The following BTN2A2 variants were observed in gnomAD, a reference collection of about 807,000 sequenced individuals.
BTN2A2 encodes the protein butyrophilin subfamily 2 member A2, also known as butyrophilin 2.
BTN2A2 carries 29 observed loss-of-function variants against 34.7 expected under a neutral mutation model. The ratio of observed to expected loss-of-function variants is 0.84; its 90% confidence interval spans 0.62 to 1.14. BTN2A2 has a LOEUF of 1.14. BTN2A2 is among the 50% of genes most tolerant of loss of function. The pLI is 0.00. For missense variants in BTN2A2, 612 were observed against 651.5 expected (o/e 0.94, Z 0.66); for synonymous variants, 240 against 253.1 (o/e 0.95, Z 0.49).
intron 3 of BTN2A2, 32 bp downstream of exon 3, chr6:26,385,394 G>A: frequency 6.3e-7 from 1 of 1,584,738 alleles, no homozygotes; most frequent in South Asian, 1.1e-5. Context: ...TATTACTTTT[G>A]CACAGTGTGA....
chr6:26,390,408 GCTTT>G lies in BTN2A2; in HGVS notation c.931+205_931+208del, dbSNP rs1423498284. ...ATGTCATAAGAAGTAATCATTCAGAGCTTTCTTTCTTCCATGCTGCACACATTAC... is the reference window on the plus strand; with the variant it reads ...ATGTCATAAGAAGTAATCATTCAGAGCTTTCTTCCATGCTGCACACATTAC... On this transcript the variant is annotated intron_variant, in intron 5 of 7. Coordinates refer to ENST00000356709, the MANE Select transcript of BTN2A2 (RefSeq NM_006995.5). 4.3e-6 allele frequency: 3 copies of G among 692,496 alleles called. No individual in the cohort carries two copies. The African/African-American group carries it at 5.4e-5, about 12-fold the overall frequency. The allele number at this position is 692,496 out of a possible 1,614,324, so 42.9% of individuals were successfully genotyped here.
rs1194264211 is a variant in BTN2A2 at position 26,388,132 on chromosome 6, G to T, written c.562G>T (p.Glu188Ter). The T allele has an allele frequency of 6.2e-7, 1 of 1,614,174 alleles. No individual in the cohort carries two copies. Among genetic ancestry groups the T allele is most frequent in the Non-Finnish European group, 8.5e-7 (1 of 1,180,032 alleles). ...CACAGTGTGGAGGGACCCCTACGGT[G>T]AGGTTGTGCCCGCCCTGAAGGAGGT... ...PLTVWRDPYG[E>*]VVPALKEVSI... Residue 188 changes from glutamate (E) to a stop codon, truncating the protein, a stop_gained, in exon 4 of 8, where the codon GAG becomes TAG. Coordinates refer to ENST00000356709, the MANE Select transcript of BTN2A2 (RefSeq NM_006995.5). LOFTEE classifies it high-confidence loss of function.
chr6:26,392,097 T>G, intron 7 of BTN2A2: 1 of 861,744 alleles, frequency 1.2e-6, no homozygotes, highest in Admixed American at 2.6e-5. Context: ...TGAGAAAAAC[T>G]GGGAACCATT....
rs1455291441 is a variant in BTN2A2, at chr6:26,393,523, A to G, written c.*556A>G. Reference sequence around the variant, plus strand: ...AAAGGGTCCTGGGAGATGATGGCTCATTTCCACCCAACCCCAGGATTTCCA... The same window carrying G: ...AAAGGGTCCTGGGAGATGATGGCTCGTTTCCACCCAACCCCAGGATTTCCA... On this transcript the variant is annotated 3_prime_UTR_variant, in exon 8 of 8. Coordinates refer to ENST00000356709, the MANE Select transcript of BTN2A2 (RefSeq NM_006995.5). 7 of 1,015,010 alleles carry G rather than the reference A, an allele frequency of 6.9e-6. No homozygotes were observed. The African/African-American group carries it at 1.0e-4, about 15-fold the overall frequency. The allele number at this position is 1,015,010 out of a possible 1,614,324, so 62.9% of individuals were successfully genotyped here. A position where few individuals can be genotyped will look rare whatever the true frequency, so the allele number is the denominator to read the frequency against.
intron 5 of BTN2A2, 156 bp from the exon 6 acceptor site, chr6:26,390,531 A>G: frequency 3.2e-6 from 3 of 939,714 alleles, no homozygotes; most frequent in Admixed American, 2.0e-5. Context: ...CCATCTGATC[A>G]TACATCATTG....
In BTN2A2 at chr6:26,384,132, A is replaced by C. The variant is rs1302775903; in HGVS notation, c.94+217A>C. On this transcript the variant is annotated intron_variant, in intron 2 of 7. Transcript: ENST00000356709. This position sits in a 1 kb window ranked among gnomAD's most constrained non-coding sequence, Gnocchi z 4.0. Reference sequence around the variant, plus strand: ...GCAAATCTTCAAAAAGATTTTTTTAACTTTTTATTTATTTGTTTATTTATT... The same window carrying C: ...GCAAATCTTCAAAAAGATTTTTTTACCTTTTTATTTATTTGTTTATTTATT... Among the ~76,000 whole-genome samples, 2 of 152,220 alleles carry C rather than the reference A, an allele frequency of 1.3e-5. No individual in the cohort carries two copies. The highest frequency in any genetic ancestry group is 4.8e-5 in the African/African-American group (2 of 41,454).
Position 26,392,883 on chromosome 6 carries a change from C to T in BTN2A2, c.1488C>T (p.Cys496=). The T allele has an allele frequency of 1.1e-5, 17 of 1,614,210 alleles. No individual in the cohort carries two copies. The highest frequency in any genetic ancestry group is 1.4e-5 in the Non-Finnish European group (16 of 1,180,042). The part of the protein sequence containing the change: ...LGSDDSPIFI[C]PALTGASGVM... ...CTGATGACAGCCCCATCTTCATCTGCCCTGCACTCACAGGAGCCAGTGGGG... is the reference window on the plus strand; with the variant it reads ...CTGATGACAGCCCCATCTTCATCTGTCCTGCACTCACAGGAGCCAGTGGGG... Residue 496 remains cysteine (C), a synonymous_variant, in exon 8 of 8, where the codon TGC becomes TGT. Coordinates refer to ENST00000356709, the MANE Select transcript of BTN2A2 (RefSeq NM_006995.5).
Position 26,394,323 on chromosome 6 carries a change from T to C in BTN2A2, c.*1356T>C. The C allele has an allele frequency of 2.9e-6, 2 of 700,710 alleles. No individual in the cohort carries two copies. Among genetic ancestry groups the C allele is most frequent in the South Asian group, 3.0e-5 (2 of 67,464 alleles). 43.4% of individuals were successfully genotyped at this position (700,710 alleles called of 1,614,324 possible). A position where few individuals can be genotyped will look rare whatever the true frequency, so the allele number is the denominator to read the frequency against. ...ATGTCAACCTGACTGGATTAAGGAATACCTAGACAGCTGGTACAACATTAT... is the reference window on the plus strand; with the variant it reads ...ATGTCAACCTGACTGGATTAAGGAACACCTAGACAGCTGGTACAACATTAT... On this transcript the variant is annotated 3_prime_UTR_variant, in exon 8 of 8. Coordinates refer to ENST00000356709, the MANE Select transcript of BTN2A2 (RefSeq NM_006995.5).
chr6:26,383,907 T>C lies in BTN2A2; in HGVS notation c.86T>C (p.Leu29Pro). Residue 29 changes from leucine to proline, a missense_variant, in exon 2 of 8, where the codon CTG (leucine) becomes CCG (proline). Transcript: ENST00000356709. The surrounding 1 kb of genome is among the most constrained non-coding windows in gnomAD (Gnocchi z 4.4). ...CTCCTCCTTCTCAGCCTGTGTGCAC[T>C]GGTCTCAGGTAGGGATGTGTGTCAC... Reference protein sequence around the residue: ...LLLLLLSLCALVSAQFTVVGP... With the variant: ...LLLLLLSLCAPVSAQFTVVGP... The C allele has an allele frequency of 6.2e-7, 1 of 1,613,660 alleles. No homozygotes were observed. The highest frequency in any genetic ancestry group is 8.5e-7 in the Non-Finnish European group (1 of 1,179,606).
Position 26,392,905 on chromosome 6 carries a change from G to A in BTN2A2, c.1510G>A (p.Gly504Arg). 6.2e-7 allele frequency: 1 copy of A among 1,614,198 alleles called. No individual in the cohort carries two copies. The highest frequency in any genetic ancestry group is 8.5e-7 in the Non-Finnish European group (1 of 1,180,026). ...CTGCCCTGCACTCACAGGAGCCAGTGGGGTCATGGTGCCTGAAGAGGGCCT... is the reference window on the plus strand; with the variant it reads ...CTGCCCTGCACTCACAGGAGCCAGTAGGGTCATGGTGCCTGAAGAGGGCCT... ...FICPALTGASGVMVPEEGLKL... is the reference protein window; with the variant it reads ...FICPALTGASRVMVPEEGLKL... The change falls in exon 8 of 8, where the codon GGG (glycine) becomes AGG (arginine). Residue 504 changes from glycine (G) to arginine (R), a missense_variant. Transcript: ENST00000356709.
chr6:26,391,009 G>A (rs1350046725), intron 7 of BTN2A2, 180 bp downstream of exon 7: 1 of 886,182 alleles, frequency 1.1e-6, no homozygotes, highest in Non-Finnish European at 1.8e-6. Context: ...GGGAACCCCA[G>A]CAGCTCTTAA....
At chr6:26,387,933 T>C (rs1761306659) in intron 3 of BTN2A2, 80 bp from the exon 4 acceptor site, 15 of 1,456,636 alleles carry the variant, frequency 1.0e-5, no homozygotes. Context: ...ACCAAGGGTC[T>C]TTCTAGCAAC....
At chr6:26,391,045 G>A in intron 7 of BTN2A2, 1 of 649,416 alleles carries the variant, frequency 1.5e-6, no homozygotes, top group Non-Finnish European at 2.7e-6. Flanking sequence ...ACATCCCCAG[G>A]ACCCTTTCTC....
In BTN2A2 at chr6:26,393,500, A is replaced by C. The variant is rs1761728699; in HGVS notation, c.*533A>C. 1 of 1,037,956 alleles carries C rather than the reference A, an allele frequency of 9.6e-7. No homozygotes were observed. The highest frequency in any genetic ancestry group is 1.7e-5 in the African/African-American group (1 of 58,568). 64.3% of individuals were successfully genotyped at this position (1,037,956 alleles called of 1,614,324 possible). On this transcript the variant is annotated 3_prime_UTR_variant, in exon 8 of 8. Transcript: ENST00000356709. Reference sequence around the variant, plus strand: ...GGCTAAGTCCCACCATAAGAGCTAAAGGGTCCTGGGAGATGATGGCTCATT... The same window carrying C: ...GGCTAAGTCCCACCATAAGAGCTAACGGGTCCTGGGAGATGATGGCTCATT...
chr6:26,391,277 G>T (rs1429692164), intron 7 of BTN2A2: 3 of 196,554 alleles, frequency 1.5e-5, no homozygotes, highest in Non-Finnish European at 3.2e-5. Flanking sequence ...ATGCAATGGT[G>T]TACAAATAGG....
Position 26,390,014 on chromosome 6 carries a change from T to G in BTN2A2, c.734T>G (p.Met245Arg). 6.2e-7 allele frequency: 1 copy of G among 1,613,332 alleles called. No homozygotes were observed. Among genetic ancestry groups the G allele is most frequent in the Non-Finnish European group, 8.5e-7 (1 of 1,179,746 alleles). The change falls in exon 5 of 8, where the codon ATG becomes AGG. Residue 245 changes from methionine (M) to arginine (R), a missense_variant. Physicochemically the swap from Met to Arg is moderately conservative, Grantham distance 91. Coordinates refer to ENST00000356709, the MANE Select transcript of BTN2A2 (RefSeq NM_006995.5). The part of the protein sequence containing the change: ...ETVIFIPESF[M>R]PSASPWMVAL... Reference sequence around the variant, plus strand: ...CTGGCTGCCTTTTCAGAATCCTTTATGCCCAGCGCATCTCCCTGGATGGTG... The same window carrying G: ...CTGGCTGCCTTTTCAGAATCCTTTAGGCCCAGCGCATCTCCCTGGATGGTG...
intron 4 of BTN2A2, among the ~76,000 whole-genome samples, chr6:26,389,048 C>T (rs143033654): frequency 2.3e-4 from 35 of 151,852 alleles, no homozygotes; most frequent in African/African-American, 7.2e-4. Context: ...TGAACCCAGG[C>T]GGCAGAGCTT....
In BTN2A2 at chr6:26,392,413, C is replaced by T. The variant is rs1761637787; in HGVS notation, c.1018C>T (p.Leu340Phe). 1 of 1,614,200 alleles carries T rather than the reference C, an allele frequency of 6.2e-7. No individual in the cohort carries two copies. Among genetic ancestry groups the T allele is most frequent in the Admixed American group, 1.7e-5 (1 of 60,024 alleles). ...VLDPDTAHPE[L>F]FLSEDRRSVR... is the part of the protein sequence containing the mutation. ...GGATCCAGACACCGCTCATCCCGAGCTCTTCCTGTCAGAGGACCGGAGAAG... is the reference window on the plus strand; with the variant it reads ...GGATCCAGACACCGCTCATCCCGAGTTCTTCCTGTCAGAGGACCGGAGAAG... The change falls in exon 8 of 8, where the codon CTC (leucine) becomes TTC (phenylalanine). Residue 340 changes from leucine to phenylalanine, a missense_variant. Physicochemically the swap from Leu to Phe is conservative, Grantham distance 22 (BLOSUM62 0). Coordinates refer to ENST00000356709, the MANE Select transcript of BTN2A2 (RefSeq NM_006995.5).
rs1131936 is a variant in BTN2A2 at position 26,394,092 on chromosome 6, A to T, written c.*1125A>T. On this transcript the variant is annotated 3_prime_UTR_variant, in exon 8 of 8. Transcript: ENST00000356709. ...TAAACCTATTGGTATATCATAGGTCATGTTAGCTCAAAAAAACTTTACTGC... is the reference window on the plus strand; with the variant it reads ...TAAACCTATTGGTATATCATAGGTCTTGTTAGCTCAAAAAAACTTTACTGC... 2.0e-6 allele frequency: 1 copy of T among 498,444 alleles called. No individual in the cohort carries two copies. The highest frequency in any genetic ancestry group is 1.9e-5 in the African/African-American group (1 of 51,384). 30.9% of individuals were successfully genotyped at this position (498,444 alleles called of 1,614,324 possible).
Sources: allele counts gnomAD v4.1 joint callset (sites outside exome capture counted in the v4.1 genomes callset), GRCh38; gene constraint gnomAD v4.1.1; non-coding constraint Gnocchi (gnomAD v3.1); transcripts MANE v1.5; gene names NCBI Gene and HGNC (gene_info 2026-07-23, HGNC 2026-07-21).